The following CPEB1 variants were observed in gnomAD, a reference collection of about 807,000 sequenced individuals.
CPEB1 encodes the protein cytoplasmic polyadenylation element binding protein 1.
CPEB1 carries 7 observed loss-of-function variants against 65.8 expected under a neutral mutation model. That is an observed-to-expected ratio of 0.11 (90% confidence interval 0.06 to 0.20). The LOEUF is 0.20. Among genes scored for constraint, CPEB1 ranks in the 10% least tolerant of loss-of-function variants. The pLI, the probability that CPEB1 is intolerant of heterozygous loss-of-function variation, is 1.00. For missense variants in CPEB1, 551 were observed against 712.2 expected (o/e 0.77, Z 2.58); for synonymous variants, 262 against 260.0 (o/e 1.01, Z -0.08).
At chr15:82,615,577 T>C (rs1419416956) in intron 3 of CPEB1, among the ~76,000 whole-genome samples, 1 of 152,188 alleles carries the variant, frequency 6.6e-6, no homozygotes, top group African/African-American at 2.4e-5. Context: ...TACTCTGGGT[T>C]GATGCCAGAT....
chr15:82,614,842 AATATAAGT>A (rs1376301575), intron 3 of CPEB1, among the ~76,000 whole-genome samples: 2 of 140,708 alleles, frequency 1.4e-5, no homozygotes, highest in African/African-American at 5.3e-5. Flanking sequence ...AACTCTTTAA[AATATAAGT>A]GTGTGTGTGT....
At chr15:82,621,498 G>GT (rs1160627455) in intron 3 of CPEB1, among the ~76,000 whole-genome samples, 1 of 152,038 alleles carries the variant, frequency 6.6e-6, no homozygotes, top group East Asian at 1.9e-4. Context: ...GCACATGCCT[G>GT]TAATACCAGC....
chr15:82,580,726 T>C (rs1203819770), intron 3 of CPEB1, among the ~76,000 whole-genome samples: 1 of 152,230 alleles, frequency 6.6e-6, no homozygotes, highest in African/African-American at 2.4e-5. Flanking sequence ...TTTGTCTCTA[T>C]GAATTTGACT....
chr15:82,554,968 G>A (rs921084841), intron 6 of CPEB1, among the ~76,000 whole-genome samples: 4 of 152,110 alleles, frequency 2.6e-5, no homozygotes, highest in Admixed American at 6.6e-5. Context: ...GGTGAACAGG[G>A]CACAGCACTA....
chr15:82,564,585 G>A (rs559953339), intron 4 of CPEB1, among the ~76,000 whole-genome samples: 112 of 152,204 alleles, frequency 7.4e-4, no homozygotes, highest in Admixed American at 1.3e-3. Flanking sequence ...GAGCCACTGC[G>A]CCCAGCCTAA....
intron 3 of CPEB1, among the ~76,000 whole-genome samples, chr15:82,602,826 C>T (rs1375861516): frequency 6.6e-6 from 1 of 152,058 alleles, no homozygotes; most frequent in African/African-American, 2.4e-5. Flanking sequence ...GCCTGGGCGA[C>T]AGAGCAACCC....
intron 3 of CPEB1, among the ~76,000 whole-genome samples, chr15:82,617,378 G>C (rs1039634987): frequency 6.6e-6 from 1 of 152,058 alleles, no homozygotes; most frequent in Admixed American, 6.6e-5. Flanking sequence ...GTTTGTATAC[G>C]GTAAATGGTT....
rs1491358595 is a variant in CPEB1 at position 82,577,742 on chromosome 15, C to CA, written c.272-6211dup. On this transcript the variant is annotated intron_variant, in intron 3 of 12. Coordinates refer to ENST00000684509, the MANE Select transcript of CPEB1 (RefSeq NM_001365242.1). ...CTTGCTATGTTGCCCAAGCTGTTCT[C>CA]AGACTCTTGAGCTCAAGTGATCTGC... Among the ~76,000 whole-genome samples the CA allele has an allele frequency of 5.3e-4, 79 of 150,442 alleles. 1 individual carries two copies. Among genetic ancestry groups the CA allele is most frequent in the African/African-American group, 1.8e-3 (75 of 41,044 alleles).
At chr15:82,589,502 G>C (rs932451877) in intron 3 of CPEB1, among the ~76,000 whole-genome samples, 2 of 152,168 alleles carry the variant, frequency 1.3e-5, no homozygotes, top group African/African-American at 4.8e-5. Context: ...CTAGCACTTT[G>C]GGAGGCAGAG....
intron 4 of CPEB1, among the ~76,000 whole-genome samples, chr15:82,567,641 A>G (rs2039366335): frequency 6.6e-6 from 1 of 152,062 alleles, no homozygotes; most frequent in African/African-American, 2.4e-5. Flanking sequence ...ATCTCAAAAA[A>G]AAAAAGAAAA....
intron 3 of CPEB1, among the ~76,000 whole-genome samples, chr15:82,577,016 C>A (rs929129046): frequency 2.0e-5 from 3 of 152,130 alleles, no homozygotes; most frequent in Admixed American, 1.3e-4. Context: ...CAGAGTGAGA[C>A]CCCGTCTCCA....
At chr15:82,630,019 GAC>G (rs772893958) in intron 1 of CPEB1, 19 of 985,248 alleles carry the variant, frequency 1.9e-5, no homozygotes, top group Non-Finnish European at 2.3e-5. Flanking sequence ...TAAATCCAGT[GAC>G]ACACAAGGCC....
At chr15:82,647,573 T>C (rs1225587025), upstream of CPEB1, 9 of 314,718 alleles carry the variant, frequency 2.9e-5, no homozygotes, top group Non-Finnish European at 4.1e-5. Flanking sequence ...CGAGGCCGCC[T>C]GGAGGCCGCA....
At chr15:82,627,072 G>C in intron 3 of CPEB1, 121 bp downstream of exon 3, 1 of 748,652 alleles carries the variant, frequency 1.3e-6, no homozygotes, top group East Asian at 2.8e-5. Flanking sequence ...AAAAAGGCAA[G>C]TATTGCCAGC....
intron 3 of CPEB1, chr15:82,573,108 T>C (rs1355833213): frequency 4.6e-6 from 7 of 1,535,486 alleles, no homozygotes; most frequent in East Asian, 2.4e-5. Flanking sequence ...GGACCTCCCA[T>C]GGCAGGGTCG....
At chr15:82,636,050 C>A (rs2046633220) in intron 1 of CPEB1, among the ~76,000 whole-genome samples, 1 of 152,162 alleles carries the variant, frequency 6.6e-6, no homozygotes, top group African/African-American at 2.4e-5. Context: ...CCTGCATCAC[C>A]TGACTTTCCT....
At chr15:82,601,239 T>TAAAA (rs77547021) in intron 3 of CPEB1, among the ~76,000 whole-genome samples, 56 of 144,480 alleles carry the variant, frequency 3.9e-4, no homozygotes, top group African/African-American at 1.3e-3. Flanking sequence ...GTGGTTTTCT[T>TAAAA]AAAAAAAAAA....
intron 4 of CPEB1, among the ~76,000 whole-genome samples, chr15:82,568,091 T>C (rs192825465): frequency 6.6e-6 from 1 of 152,128 alleles, no homozygotes; most frequent in African/African-American, 2.4e-5. Flanking sequence ...GGACCACAGG[T>C]GTAACAGGAA....
chr15:82,557,774 G>C lies in CPEB1; in HGVS notation c.673C>G (p.Leu225Val). ...GAGTTACATACAATCAAATCTGAGAGATGATCTGATCCAGAGCTGAAGCCA... is the reference window on the plus strand; with the variant it reads ...GAGTTACATACAATCAAATCTGAGACATGATCTGATCCAGAGCTGAAGCCA... Reference protein sequence around the residue: ...TSGFSSGSDHLSDLISSLRIS... With the variant: ...TSGFSSGSDHVSDLISSLRIS... Residue 225 changes from leucine to valine, a missense_variant, in exon 5 of 13, where the codon CTC (leucine) becomes GTC (valine). This residue lies in a region of CPEB1 where 128 missense variants were observed against 129.1 expected (regional missense o/e 0.99). Coordinates refer to ENST00000684509, the MANE Select transcript of CPEB1 (RefSeq NM_001365242.1). 6.2e-7 allele frequency: 1 copy of C among 1,613,798 alleles called. No homozygotes were observed. The highest frequency in any genetic ancestry group is 8.5e-7 in the Non-Finnish European group (1 of 1,179,792).
Sources: allele counts gnomAD v4.1 joint callset (sites outside exome capture counted in the v4.1 genomes callset), GRCh38; gene constraint gnomAD v4.1.1; regional missense constraint gnomAD v4.1.1; transcripts MANE v1.5; gene names NCBI Gene and HGNC (gene_info 2026-07-23, HGNC 2026-07-21).